Variants in HTRA3 observed in about 807,000 individuals in gnomAD.
HTRA3 encodes the protein HtrA serine peptidase 3, also known as serine protease HTRA3.
A neutral mutation model predicts 43.2 loss-of-function variants in HTRA3; 41 were observed. That is an observed-to-expected ratio of 0.95 (90% confidence interval 0.74 to 1.23). The LOEUF (loss-of-function observed/expected upper bound fraction) is 1.23. HTRA3 is among the 50% of genes most tolerant of loss of function. HTRA3 has a pLI of 0.00. For missense variants in HTRA3, 628 were observed against 647.1 expected, an observed-to-expected ratio of 0.97 and a Z score of 0.32; for synonymous variants, 295 against 287.9, an observed-to-expected ratio of 1.02 and a Z score of -0.25.
intron 3 of HTRA3, 33 bp from the exon 4 acceptor site, chr4:8,291,337 T>C: frequency 2.5e-6 from 4 of 1,591,716 alleles, no homozygotes; most frequent in Non-Finnish European, 3.4e-6. Context: ...CGGCTAAGCC[T>C]CCCTCTCTGT....
intron 6 of HTRA3, among the ~76,000 whole-genome samples, chr4:8,301,178 C>T (rs1713641091): frequency 6.6e-6 from 1 of 151,084 alleles, no homozygotes; most frequent in South Asian, 2.1e-4. Flanking sequence ...TTATTATTCA[C>T]ACTCATCTTT....
At position 8,294,566 on chromosome 4, in the gene HTRA3, ATCCG is replaced by A. The variant is rs140885403; in HGVS notation, c.1051+381_1051+384del. Among the ~76,000 whole-genome samples the A allele has an allele frequency of 1.8e-3, 108 of 60,066 alleles. 37 individuals carry two copies. The highest frequency in any genetic ancestry group is 0.01 in the Middle Eastern group (1 of 98). The allele number at this position is 60,066 out of a possible 152,430, so 39.4% of individuals were successfully genotyped here. ...AGTTGTCAGGTGTTTCTTTCCTTCT[ATCCG>A]TCCGTCCGTCCGTCCATCCATCCAT... On this transcript the variant is annotated intron_variant, in intron 6 of 8. Coordinates refer to ENST00000307358, the MANE Select transcript of HTRA3 (RefSeq NM_053044.5).
intron 1 of HTRA3, 43 bp from the exon 2 acceptor site, chr4:8,282,394 A>C (rs750015431): frequency 1.3e-6 from 2 of 1,482,208 alleles, no homozygotes; most frequent in East Asian, 2.4e-5. Context: ...AGCTGGCAGC[A>C]TCGTGATCTC....
chr4:8,301,757 T>C (rs1441884693), intron 6 of HTRA3, among the ~76,000 whole-genome samples: 2 of 152,360 alleles, frequency 1.3e-5, no homozygotes, highest in East Asian at 3.9e-4. Context: ...TAATTTCTAA[T>C]TTCTCTTTTT....
At chr4:8,288,935 T>TTCCTTCCTTCCC (rs1560138859) in intron 3 of HTRA3, among the ~76,000 whole-genome samples, 1 of 139,790 alleles carries the variant, frequency 7.2e-6, no homozygotes, top group Admixed American at 7.2e-5. Context: ...CCTTCCTTCC[T>TTCCTTCCTTCCC]CCCTTCCTCC....
At position 8,306,109 on chromosome 4, in the gene HTRA3, C is replaced by T. The variant is rs762996696; in HGVS notation, c.1335C>T (p.Phe445=). The change falls in exon 9 of 9, where the codon TTC becomes TTT. Residue 445 remains phenylalanine, a synonymous_variant. Coordinates refer to ENST00000307358, the MANE Select transcript of HTRA3 (RefSeq NM_053044.5). This position sits in a 1 kb window ranked among gnomAD's most constrained non-coding sequence, Gnocchi z 8.9. The stretch of plus-strand genomic sequence containing the variant: ...GGCGGGGGAACGACGACCTCCTCTT[C>T]AGCATCGCACCTGAGGTGGTCATGT... ...EVRRGNDDLL[F]SIAPEVVM 3.7e-6 allele frequency: 6 copies of T among 1,600,864 alleles called. No individual in the cohort carries two copies. In the Admixed American group the frequency reaches 5.0e-5, roughly 13 times the overall value.
In HTRA3 at chr4:8,286,475, C is replaced by T. The variant is rs889460689; in HGVS notation, c.486-86C>T. ...CTGTCAGCCACACACTGGCTCTGCT[C>T]CTCGCTGACCAGCCCCACCACTGCG... On this transcript the variant is annotated intron_variant, in intron 2 of 8. Coordinates refer to ENST00000307358, the MANE Select transcript of HTRA3 (RefSeq NM_053044.5). The surrounding 1 kb of genome is among the most constrained non-coding windows in gnomAD (Gnocchi z 4.9). 2 of 1,062,726 alleles carry T rather than the reference C, an allele frequency of 1.9e-6. No homozygotes were observed. The highest frequency in any genetic ancestry group is 1.4e-6 in the Non-Finnish European group (1 of 694,902). 65.8% of individuals were successfully genotyped at this position (1,062,726 alleles called of 1,614,324 possible).
chr4:8,283,959 C>T (rs1712858953), intron 2 of HTRA3, among the ~76,000 whole-genome samples: 1 of 152,212 alleles, frequency 6.6e-6, no homozygotes, highest in Non-Finnish European at 1.5e-5. Context: ...CGTCACGGCC[C>T]CTCTGCCCTC....
intron 1 of HTRA3, among the ~76,000 whole-genome samples, chr4:8,278,425 G>A (rs909018930): frequency 6.6e-6 from 1 of 151,638 alleles, no homozygotes; most frequent in African/African-American, 2.4e-5. Context: ...GCTGAATCTG[G>A]TTGAGACTGA....
At chr4:8,293,182 C>T (rs2153006235) in intron 5 of HTRA3, among the ~76,000 whole-genome samples, 1 of 152,296 alleles carries the variant, frequency 6.6e-6, no homozygotes. Context: ...CCCTATGTGC[C>T]CAAGATGTCT....
chr4:8,284,822 GT>G (rs1712893175), intron 2 of HTRA3, among the ~76,000 whole-genome samples: 1 of 152,218 alleles, frequency 6.6e-6, no homozygotes, highest in Non-Finnish European at 1.5e-5. Flanking sequence ...TCGGGACTCA[GT>G]TTTCCCACCA....
intron 7 of HTRA3, among the ~76,000 whole-genome samples, chr4:8,302,804 G>A (rs1713714292): frequency 6.6e-6 from 1 of 152,230 alleles, no homozygotes; most frequent in Admixed American, 6.5e-5. Context: ...CTCAGTTCTG[G>A]AGGTCGGGGA....
rs1255713903 is a variant in HTRA3 at position 8,286,274 on chromosome 4, T to C, written c.486-287T>C. On this transcript the variant is annotated intron_variant, in intron 2 of 8. Coordinates refer to ENST00000307358, the MANE Select transcript of HTRA3 (RefSeq NM_053044.5). This position sits in a 1 kb window ranked among gnomAD's most constrained non-coding sequence, Gnocchi z 4.9. ...CGTGCTCCGTAGTCAGGATGGCGAG[T>C]GCAAGCTGGGAGTCATCTGACATGT... Among the ~76,000 whole-genome samples the C allele has an allele frequency of 6.6e-6, 1 of 152,102 alleles. No homozygotes were observed. The highest frequency in any genetic ancestry group is 1.5e-5 in the Non-Finnish European group (1 of 68,010).
At chr4:8,281,555 C>A (rs953698372) in intron 1 of HTRA3, among the ~76,000 whole-genome samples, 1 of 152,258 alleles carries the variant, frequency 6.6e-6, no homozygotes. Context: ...CCCAGCCGAA[C>A]CCCTGGTGTG....
chr4:8,306,228 C>G lies in HTRA3; in HGVS notation c.*92C>G. The G allele has an allele frequency of 2.2e-6, 3 of 1,351,774 alleles. No homozygotes were observed. The highest frequency in any genetic ancestry group is 3.0e-6 in the Non-Finnish European group (3 of 1,014,658). 83.7% of individuals were successfully genotyped at this position (1,351,774 alleles called of 1,614,324 possible). A position where few individuals can be genotyped will look rare whatever the true frequency, so the allele number is the denominator to read the frequency against. ...TCAGGACGAAGGACCACCGTCGGTC[C>G]TCAGCAGGGCGGCAGCCTCCTCCTG... On this transcript the variant is annotated 3_prime_UTR_variant, in exon 9 of 9. Coordinates refer to ENST00000307358, the MANE Select transcript of HTRA3 (RefSeq NM_053044.5). This position sits in a 1 kb window ranked among gnomAD's most constrained non-coding sequence, Gnocchi z 8.9.
chr4:8,292,176 G>A, intron 4 of HTRA3, 145 bp from the exon 5 acceptor site: 1 of 643,350 alleles, frequency 1.6e-6, no homozygotes, highest in Non-Finnish European at 2.7e-6. Context: ...CTGTGAAATG[G>A]GGGCAGCACT....
rs532422630 is a variant in HTRA3 at position 8,305,830 on chromosome 4, C to G, written c.1197-141C>G. 4.7e-6 allele frequency: 4 copies of G among 848,760 alleles called. No homozygotes were observed. In the Admixed American group the frequency reaches 8.3e-5, roughly 18 times the overall value. 52.6% of individuals were successfully genotyped at this position (848,760 alleles called of 1,614,324 possible). On this transcript the variant is annotated intron_variant, in intron 8 of 8. Coordinates refer to ENST00000307358, the MANE Select transcript of HTRA3 (RefSeq NM_053044.5). ...TTCTTCTGGTGTGAGAGCTTTGGGG[C>G]TGGGGCACTGTTCTTTCCCATCGAG...
At chr4:8,300,714 CTTATCT>C (rs1330344980) in intron 6 of HTRA3, among the ~76,000 whole-genome samples, 2 of 152,114 alleles carry the variant, frequency 1.3e-5, no homozygotes, top group African/African-American at 2.4e-5. Flanking sequence ...GATTTACATT[CTTATCT>C]TTATTTCATT....
rs1398765657 is a variant in HTRA3, at chr4:8,295,018, C to CCACCCACCTATCCACCCATT, written c.1051+827_1051+846dup. Among the ~76,000 whole-genome samples, 7 of 152,010 alleles carry CCACCCACCTATCCACCCATT rather than the reference C, an allele frequency of 4.6e-5. No individual in the cohort carries two copies. Among genetic ancestry groups the CCACCCACCTATCCACCCATT allele is most frequent in the Non-Finnish European group, 1.0e-4 (7 of 68,000 alleles). On this transcript the variant is annotated intron_variant, in intron 6 of 8. Coordinates refer to ENST00000307358, the MANE Select transcript of HTRA3 (RefSeq NM_053044.5). The surrounding 1 kb of genome is among the most constrained non-coding windows in gnomAD (Gnocchi z 6.9). ...TCTACTCATCCATTCATCCACTCAT[C>CCACCCACCTATCCACCCATT]CACCCACCTATCCACCCATTCACCC...
Sources: allele counts gnomAD v4.1 joint callset (sites outside exome capture counted in the v4.1 genomes callset), GRCh38; gene constraint gnomAD v4.1.1; non-coding constraint Gnocchi (gnomAD v3.1); transcripts MANE v1.5; gene names NCBI Gene and HGNC (gene_info 2026-07-23, HGNC 2026-07-21).